Variants in TSPAN14 observed in about 807,000 individuals in gnomAD.
TSPAN14 encodes tetraspanin 14.
A neutral mutation model predicts 36.6 loss-of-function variants in TSPAN14; 16 were observed. The ratio of observed to expected loss-of-function variants is 0.44; its 90% CI spans 0.30 to 0.66. The LOEUF (loss-of-function observed/expected upper bound fraction) is 0.66. TSPAN14 is among the 30% of genes least tolerant of loss of function. TSPAN14 has a pLI of 0.12. For synonymous variants in TSPAN14, 139 were observed against 143.8 expected, an observed-to-expected ratio of 0.97 and a Z score of 0.24; for missense variants, 231 against 355.1, an observed-to-expected ratio of 0.65 and a Z score of 2.81.
intron 4 of TSPAN14, among the ~76,000 whole-genome samples, chr10:80,508,207 C>T (rs1026727272): frequency 6.6e-6 from 1 of 151,676 alleles, no homozygotes; most frequent in African/African-American, 2.4e-5. Context: ...GCTCCGCCTC[C>T]CGGGTTCACA....
At chr10:80,507,284 G>A (rs772947798) in exon 4 of TSPAN14, 1 of 1,614,234 alleles carries the variant, frequency 6.2e-7, no homozygotes, top group South Asian at 1.1e-5. Flanking sequence ...ACCCTGTGGT[G>A]CTGGTCCTGA....
chr10:80,491,514 T>A (rs1847919228), intron 2 of TSPAN14, among the ~76,000 whole-genome samples: 2 of 152,184 alleles, frequency 1.3e-5, no homozygotes, highest in African/African-American at 4.8e-5. Context: ...TCATCTTGAT[T>A]TCTGCAGCTA....
chr10:80,502,441 G>T (rs763541412), intron 2 of TSPAN14, among the ~76,000 whole-genome samples: 1 of 152,232 alleles, frequency 6.6e-6, no homozygotes, highest in Non-Finnish European at 1.5e-5. Context: ...CCAGACTCGA[G>T]TGGGTGGAGC....
At chr10:80,521,048 A>G in exon 9 of TSPAN14, 1 of 325,092 alleles carries the variant, frequency 3.1e-6, no homozygotes, top group Non-Finnish European at 6.1e-6. Flanking sequence ...CCCATGAATA[A>G]CAATGAAAAT....
intron 1 of TSPAN14, among the ~76,000 whole-genome samples, chr10:80,462,281 G>C (rs566394827): frequency 6.8e-6 from 1 of 147,398 alleles, no homozygotes; most frequent in East Asian, 2.1e-4. Flanking sequence ...TGGTCTGGGC[G>C]GTCTTTGAGC....
chr10:80,508,011 T>C (rs796128270), intron 4 of TSPAN14, among the ~76,000 whole-genome samples: 3 of 151,250 alleles, frequency 2.0e-5, no homozygotes, highest in African/African-American at 7.3e-5. Flanking sequence ...ATTTTTTCTC[T>C]GGAAAAAAAA....
chr10:80,509,167 G>T lies in TSPAN14; in HGVS notation c.280-134G>T. The T allele has an allele frequency of 1.1e-6, 1 of 915,588 alleles. No individual in the cohort carries two copies. Among genetic ancestry groups the T allele is most frequent in the African/African-American group, 1.7e-5 (1 of 60,070 alleles). 56.7% of individuals were successfully genotyped at this position (915,588 alleles called of 1,614,324 possible). A position where few individuals can be genotyped will look rare whatever the true frequency, so the allele number is the denominator to read the frequency against. On this transcript the variant is annotated intron_variant, in intron 4 of 8. Coordinates refer to ENST00000429989, the Ensembl canonical transcript of TSPAN14. The surrounding 1 kb of genome is among the most constrained non-coding windows in gnomAD (Gnocchi z 4.7). ...CTAACTCTAAGTGTGGGGTTCTGGG[G>T]CCCCGATGTGGGACTCTCAGGTGCA...
At chr10:80,502,286 C>G (rs569018002) in intron 2 of TSPAN14, among the ~76,000 whole-genome samples, 2 of 152,230 alleles carry the variant, frequency 1.3e-5, no homozygotes, top group South Asian at 4.2e-4. Flanking sequence ...GCTGCAGAGG[C>G]CCTTGGGGGC....
At chr10:80,462,246 C>T (rs1402292972) in intron 1 of TSPAN14, among the ~76,000 whole-genome samples, 1 of 151,964 alleles carries the variant, frequency 6.6e-6, no homozygotes, top group Non-Finnish European at 1.5e-5. Flanking sequence ...TATACCCATT[C>T]CCCCTCTCTG....
chr10:80,479,667 C>G (rs1020924462), intron 1 of TSPAN14, among the ~76,000 whole-genome samples: 9 of 152,130 alleles, frequency 5.9e-5, no homozygotes, highest in African/African-American at 2.2e-4. Flanking sequence ...TGTTTTGGTG[C>G]CAGTACCATG....
intron 1 of TSPAN14, among the ~76,000 whole-genome samples, chr10:80,454,646 G>C (rs895820214): frequency 6.6e-6 from 1 of 152,070 alleles, no homozygotes; most frequent in Non-Finnish European, 1.5e-5. Flanking sequence ...GCCCGGGGCC[G>C]GCACTCCTGG....
Position 80,497,047 on chromosome 10 carries a change from C to G in TSPAN14, c.82-7681C>G, listed in dbSNP as rs79777630. Among the ~76,000 whole-genome samples, 288 of 152,214 alleles carry G rather than the reference C, an allele frequency of 1.9e-3. 9 individuals are homozygous for G. In the East Asian group the frequency reaches 0.051, roughly 27 times the overall value. On this transcript the variant is annotated intron_variant, in intron 2 of 8. Transcript: ENST00000429989. ...TTTTCTACTAAGTATTCTTCCCTAA[C>G]AGTATTAAGTCTTTTGTGTCTGACA... is the stretch of plus-strand genomic sequence containing the variant.
chr10:80,516,346 A>G, intron 8 of TSPAN14, 23 bp downstream of exon 8: 1 of 1,613,546 alleles, frequency 6.2e-7, no homozygotes. Context: ...AGCCTATAGG[A>G]TTGGCAGGTG....
At chr10:80,479,216 C>G (rs1379081558) in intron 1 of TSPAN14, among the ~76,000 whole-genome samples, 1 of 151,416 alleles carries the variant, frequency 6.6e-6, no homozygotes, top group East Asian at 1.9e-4. Context: ...GAGTAGGTTG[C>G]GAAAATTTTC....
chr10:80,520,607 G>A (rs377123493), exon 9 of TSPAN14: 17 of 533,090 alleles, frequency 3.2e-5, no homozygotes, highest in Non-Finnish European at 5.4e-5. Context: ...CCCCTCTCAG[G>A]ATCTTGTCAA....
chr10:80,496,365 C>T (rs1038302617), intron 2 of TSPAN14, among the ~76,000 whole-genome samples: 34 of 152,244 alleles, frequency 2.2e-4, no homozygotes, highest in African/African-American at 7.2e-4. Flanking sequence ...AAAAATAGTT[C>T]GCATATGCAT....
rs1198028875 is a variant in TSPAN14, at chr10:80,514,015, G to A, written c.577-4G>A. The stretch of plus-strand genomic sequence containing the variant: ...AGCAACTAATTTTTCTGCTTTTCTT[G>A]CAGCAAAAAGTTGTGAACACACAGT... On this transcript the variant is annotated splice_polypyrimidine_tract_variant and splice_region_variant and intron_variant, in intron 6 of 8. Coordinates refer to ENST00000429989, the Ensembl canonical transcript of TSPAN14. 2 of 1,613,478 alleles carry A rather than the reference G, an allele frequency of 1.2e-6. No individual in the cohort carries two copies. The highest frequency in any genetic ancestry group is 1.7e-6 in the Non-Finnish European group (2 of 1,179,766).
exon 9 of TSPAN14, chr10:80,518,185 T>C: frequency 3.3e-6 from 2 of 601,402 alleles, no homozygotes; most frequent in South Asian, 2.0e-5. Flanking sequence ...TGTGACTGCA[T>C]CCCTCTGGAG....
intron 1 of TSPAN14, among the ~76,000 whole-genome samples, chr10:80,460,535 A>G (rs893990252): frequency 6.6e-6 from 1 of 152,182 alleles, no homozygotes; most frequent in Non-Finnish European, 1.5e-5. Context: ...TTCTTCTTGC[A>G]CTGGCCTGTC....
Sources: gnomAD v4.1 joint callset for allele counts (sites outside exome capture counted in the v4.1 genomes callset) on GRCh38, gnomAD v4.1.1 for gene constraint, Gnocchi (gnomAD v3.1) non-coding constraint, MANE v1.5 for transcripts, NCBI Gene and HGNC (gene_info 2026-07-23, HGNC 2026-07-21) for gene names.